SAMD5: variants seen among roughly 807,000 people sequenced by gnomAD.
SAMD5 encodes the protein sterile alpha motif domain containing 5, also known as sterile alpha motif domain-containing protein 5.
Under a neutral mutation model 11.3 loss-of-function variants are expected in SAMD5, and 13 were observed. That is an observed-to-expected ratio of 1.15 (90% CI 0.75 to 1.83). SAMD5 has a LOEUF of 1.83. SAMD5 is among the 40% of genes most tolerant of loss of function. The pLI, the probability that SAMD5 is intolerant of heterozygous loss-of-function variation, is 0.00. For synonymous variants in SAMD5, 129 were observed against 111.3 expected, an observed-to-expected ratio of 1.16 and a Z score of -1.00; for missense variants, 255 against 239.1, an observed-to-expected ratio of 1.07 and a Z score of -0.44.
intron 1 of SAMD5, among the ~76,000 whole-genome samples, chr6:147,528,939 G>C (rs2128440914): frequency 6.6e-6 from 1 of 152,284 alleles, no homozygotes; most frequent in African/African-American, 2.4e-5. Context: ...CAATTCACAT[G>C]GTCCTGACTC....
rs1562334281 is a variant in SAMD5, at chr6:147,616,188, T to TCA, written c.162+106801_162+106802insCA. 1.3e-3 allele frequency among the ~76,000 whole-genome samples: 143 copies of TCA among 109,074 alleles called. 3 individuals carry two copies. Among genetic ancestry groups the TCA allele is most frequent in the African/African-American group, 4.8e-3 (137 of 28,454 alleles). 71.6% of individuals were successfully genotyped at this position (109,074 alleles called of 152,430 possible). On this transcript the variant is annotated intron_variant, in intron 1 of 1. Coordinates refer to the SAMD5 transcript ENST00000566741. Reference sequence around the variant, plus strand: ...TTTCATATATATTTATTCATATATATTTCATATATATTTATTCATATATAC... The same window carrying TCA: ...TTTCATATATATTTATTCATATATATCATTCATATATATTTATTCATATATAC...
chr6:147,613,900 T>TCC, intron 1 of SAMD5, among the ~76,000 whole-genome samples: 1 of 151,948 alleles, frequency 6.6e-6, no homozygotes, highest in Non-Finnish European at 1.5e-5. Context: ...CAAGTCTCTA[T>TCC]CGGTCTGTGT....
intron 1 of SAMD5, among the ~76,000 whole-genome samples, chr6:147,675,843 A>G (rs1419469674): frequency 6.6e-6 from 1 of 152,236 alleles, no homozygotes; most frequent in Non-Finnish European, 1.5e-5. Flanking sequence ...ACTGAAGTTC[A>G]AGGGTAATGA....
the SAMD5 span, among the ~76,000 whole-genome samples, chr6:147,913,686 ACT>A: frequency 6.6e-6 from 1 of 152,128 alleles, no homozygotes; most frequent in Non-Finnish European, 1.5e-5. Flanking sequence ...ACAGAGCGAG[ACT>A]CTGTCTCAAA....
the SAMD5 span, among the ~76,000 whole-genome samples, chr6:147,803,142 TG>T: frequency 0.02 from 1,834 of 92,848 alleles, 49 homozygotes; most frequent in African/African-American, 0.065. Flanking sequence ...TGTGTGTGTG[TG>T]TGTGTGTGTG....
chr6:147,806,195 G>A, the SAMD5 span, among the ~76,000 whole-genome samples: 2 of 152,300 alleles, frequency 1.3e-5, no homozygotes, highest in African/African-American at 2.4e-5. Flanking sequence ...GGGTGAATCC[G>A]TGGGATATGT....
intron 1 of SAMD5, among the ~76,000 whole-genome samples, chr6:147,636,619 G>T (rs1316151126): frequency 1.3e-5 from 2 of 152,124 alleles, no homozygotes; most frequent in East Asian, 3.8e-4. Flanking sequence ...TCACTACCTG[G>T]CATGGTGGGT....
chr6:147,828,369 G>T, the SAMD5 span, among the ~76,000 whole-genome samples: 1 of 152,236 alleles, frequency 6.6e-6, no homozygotes. Context: ...AACTTGATTG[G>T]ATTGAAGGAT....
chr6:147,861,981 G>T, the SAMD5 span, among the ~76,000 whole-genome samples: 15 of 152,130 alleles, frequency 9.9e-5, no homozygotes, highest in Non-Finnish European at 1.9e-4. Context: ...AGCTCAGAAA[G>T]GGGGAGGTCC....
chr6:147,908,415 T>C, the SAMD5 span, among the ~76,000 whole-genome samples: 1 of 152,186 alleles, frequency 6.6e-6, no homozygotes, highest in Non-Finnish European at 1.5e-5. Flanking sequence ...TCTGGTTTTA[T>C]GACAGTGGAA....
the SAMD5 span, among the ~76,000 whole-genome samples, chr6:147,917,035 A>T: frequency 7.1e-6 from 1 of 140,890 alleles, no homozygotes; most frequent in South Asian, 2.5e-4. Flanking sequence ...ATGTGTCTTT[A>T]TAGCAGCATG....
At chr6:147,628,749 C>T (rs1442735090) in intron 1 of SAMD5, among the ~76,000 whole-genome samples, 1 of 151,998 alleles carries the variant, frequency 6.6e-6, no homozygotes, top group African/African-American at 2.4e-5. Context: ...GGGGAGAGGC[C>T]ACCTCACTCT....
At chr6:147,630,493 G>T (rs4530881) in intron 1 of SAMD5, among the ~76,000 whole-genome samples, 1 of 151,754 alleles carries the variant, frequency 6.6e-6, no homozygotes, top group Admixed American at 6.6e-5. Context: ...TTACCTAGTG[G>T]AATTCCTTCT....
the SAMD5 span, among the ~76,000 whole-genome samples, chr6:147,808,419 T>C: frequency 2.0e-5 from 3 of 152,146 alleles, no homozygotes; most frequent in Admixed American, 6.5e-5. Flanking sequence ...GCCCAGGCTG[T>C]TCTAGAACTC....
Position 147,622,980 on chromosome 6 carries a change from G to A in SAMD5, c.162+113593G>A, listed in dbSNP as rs1583110919. ...TATTCACTACCATGGGAACAGTATG[G>A]GGGAAACAGCCCTCATGATTAAATT... is the stretch of plus-strand genomic sequence containing the variant. On this transcript the variant is annotated intron_variant, in intron 1 of 1. Transcript: ENST00000566741. Among the ~76,000 whole-genome samples the A allele has an allele frequency of 3.3e-5, 5 of 152,174 alleles. No homozygotes were observed. The Middle Eastern group carries it at 0.014, about 417-fold the overall frequency.
chr6:147,890,718 A>G, the SAMD5 span, among the ~76,000 whole-genome samples: 6 of 152,126 alleles, frequency 3.9e-5, no homozygotes, highest in Admixed American at 2.0e-4. Flanking sequence ...GATGCAGGAA[A>G]ATAGAGACTC....
the SAMD5 span, among the ~76,000 whole-genome samples, chr6:147,882,716 G>C: frequency 1.3e-5 from 2 of 152,160 alleles, no homozygotes; most frequent in Admixed American, 1.3e-4. Context: ...AAGCCATGCC[G>C]GTGTGAGGAC....
chr6:147,806,314 G>GCA, the SAMD5 span, among the ~76,000 whole-genome samples: 3 of 138,352 alleles, frequency 2.2e-5, no homozygotes, highest in African/African-American at 5.9e-5. Context: ...GCGCGCGCGC[G>GCA]CGCGCACACA....
chr6:147,564,680 A>G lies in SAMD5; in HGVS notation c.*224A>G. On this transcript the variant is annotated 3_prime_UTR_variant, in exon 2 of 2. Coordinates refer to ENST00000367474, the MANE Select transcript of SAMD5 (RefSeq NM_001030060.3). ...AGTGAACTATCACGCATAAAGAAGT[A>G]TTGAGTTCATTTTTTTAAGAAGATA... is the stretch of plus-strand genomic sequence containing the variant. 7.9e-7 allele frequency: 1 copy of G among 1,259,482 alleles called. No individual in the cohort carries two copies. Among genetic ancestry groups the G allele is most frequent in the South Asian group, 2.1e-5 (1 of 48,238 alleles). 78.0% of individuals were successfully genotyped at this position (1,259,482 alleles called of 1,614,324 possible). A position where few individuals can be genotyped will look rare whatever the true frequency, so the allele number is the denominator to read the frequency against.
Sources: allele counts gnomAD v4.1 joint callset (sites outside exome capture counted in the v4.1 genomes callset), GRCh38; gene constraint gnomAD v4.1.1; transcripts MANE v1.5; gene names NCBI Gene and HGNC (gene_info 2026-07-23, HGNC 2026-07-21).